ABHD3: variants seen among roughly 807,000 people sequenced by gnomAD.
ABHD3 encodes the protein phospholipase ABHD3.
ABHD3 carries 46 observed loss-of-function variants against 48.8 expected under a neutral mutation model. The observed-to-expected ratio is 0.94, with a 90% CI of 0.74 to 1.20. ABHD3 has a LOEUF of 1.20. Among genes scored for constraint, ABHD3 ranks in the 50% most tolerant of loss-of-function variants. ABHD3 has a pLI of 0.00. For synonymous variants in ABHD3, 192 were observed against 183.7 expected, an observed-to-expected ratio of 1.04 and a Z score of -0.36; for missense variants, 490 against 497.8, an observed-to-expected ratio of 0.98 and a Z score of 0.15.
chr18:21,695,032 T>C (rs1013925209), intron 3 of ABHD3, among the ~76,000 whole-genome samples: 5 of 152,192 alleles, frequency 3.3e-5, no homozygotes, highest in South Asian at 2.1e-4. Context: ...AATAAAGATA[T>C]GATTTTCTTT....
intron 3 of ABHD3, among the ~76,000 whole-genome samples, chr18:21,700,584 G>A (rs1015438867): frequency 1.7e-4 from 26 of 151,150 alleles, no homozygotes; most frequent in African/African-American, 5.9e-4. Context: ...TTTTTTAGTA[G>A]AGACGAGGTT....
chr18:21,702,625 A>C (rs1174846363), intron 2 of ABHD3, 127 bp from the exon 3 acceptor site: 1 of 737,782 alleles, frequency 1.4e-6, no homozygotes, highest in Non-Finnish European at 2.1e-6. Context: ...ACGAACACAC[A>C]CCCATATCTC....
intron 4 of ABHD3, among the ~76,000 whole-genome samples, chr18:21,672,945 C>G (rs2039788096): frequency 6.6e-6 from 1 of 152,176 alleles, no homozygotes; most frequent in Middle Eastern, 3.2e-3. Flanking sequence ...AATATCCTGG[C>G]CAGCTTTGAG....
chr18:21,665,149 G>C (rs2039592669), intron 4 of ABHD3, among the ~76,000 whole-genome samples: 1 of 151,542 alleles, frequency 6.6e-6, no homozygotes, highest in African/African-American at 2.4e-5. Flanking sequence ...TTCACCATGT[G>C]GACCAGGCTG....
At chr18:21,692,976 G>A (rs927462921) in intron 3 of ABHD3, among the ~76,000 whole-genome samples, 4 of 152,154 alleles carry the variant, frequency 2.6e-5, no homozygotes, top group African/African-American at 9.7e-5. Context: ...TGGATTACAG[G>A]ACAATGTCGA....
At chr18:21,680,866 G>A (rs974089113) in intron 4 of ABHD3, among the ~76,000 whole-genome samples, 6 of 151,162 alleles carry the variant, frequency 4.0e-5, no homozygotes, top group African/African-American at 1.5e-4. Flanking sequence ...GTGTGTGTGT[G>A]TGTGTGTGTG....
chr18:21,668,572 A>G lies in ABHD3; in HGVS notation c.556-4342T>C, dbSNP rs140490620. Among the ~76,000 whole-genome samples, 262 of 152,302 alleles carry G rather than the reference A, an allele frequency of 1.7e-3. 1 individual carries two copies. The highest frequency in any genetic ancestry group is 6.1e-3 in the African/African-American group (254 of 41,566). ...TTCCTTATTTACACATAAGGAAATT[A>G]AGGCCTGGCAAGGTTGAGTAATTTG... On this transcript the variant is annotated intron_variant, in intron 4 of 8. Coordinates refer to ENST00000289119, the MANE Select transcript of ABHD3 (RefSeq NM_138340.5).
intron 5 of ABHD3, 55 bp downstream of exon 5, chr18:21,664,063 C>T (rs1023470214): frequency 1.3e-6 from 2 of 1,553,954 alleles, no homozygotes; most frequent in South Asian, 1.2e-5. Context: ...CTCAAAGAGA[C>T]AGCCAATAAA....
chr18:21,659,999 T>C (rs2039451990), intron 5 of ABHD3, among the ~76,000 whole-genome samples: 1 of 139,356 alleles, frequency 7.2e-6, no homozygotes, highest in Admixed American at 7.5e-5. Flanking sequence ...ATAGGCTCTG[T>C]AGCCCAGGTT....
intron 5 of ABHD3, chr18:21,663,694 T>C (rs2039553528): frequency 6.5e-7 from 1 of 1,535,478 alleles, no homozygotes; most frequent in Non-Finnish European, 8.7e-7. Context: ...AAAAATAATT[T>C]TGAAGGCCAC....
At chr18:21,703,294 G>T (rs1479501459) in intron 2 of ABHD3, among the ~76,000 whole-genome samples, 1 of 135,568 alleles carries the variant, frequency 7.4e-6, no homozygotes, top group Non-Finnish European at 1.5e-5. Context: ...TCTGACAGAT[G>T]TATGACAAAC....
intron 4 of ABHD3, among the ~76,000 whole-genome samples, chr18:21,683,243 A>T (rs2040048102): frequency 6.6e-6 from 1 of 152,212 alleles, no homozygotes; most frequent in Non-Finnish European, 1.5e-5. Flanking sequence ...TTCTCATTCC[A>T]ACTCACGGAT....
chr18:21,673,915 AT>A (rs1451486672), intron 4 of ABHD3, among the ~76,000 whole-genome samples: 1 of 152,024 alleles, frequency 6.6e-6, no homozygotes, highest in Admixed American at 6.6e-5. Context: ...AGGGATCAGT[AT>A]TTTTCAATGC....
At chr18:21,691,985 CT>C (rs1306342058) in intron 3 of ABHD3, among the ~76,000 whole-genome samples, 1 of 152,132 alleles carries the variant, frequency 6.6e-6, no homozygotes, top group Non-Finnish European at 1.5e-5. Context: ...GAGTTTTGCT[CT>C]TGTTGCCCAG....
chr18:21,673,145 A>C (rs2039792783), intron 4 of ABHD3, among the ~76,000 whole-genome samples: 1 of 152,236 alleles, frequency 6.6e-6, no homozygotes, highest in South Asian at 2.1e-4. Context: ...CATGGAGGCT[A>C]TCACATGCAG....
At chr18:21,680,560 T>C (rs1017259125) in intron 4 of ABHD3, among the ~76,000 whole-genome samples, 2 of 152,168 alleles carry the variant, frequency 1.3e-5, no homozygotes, top group African/African-American at 2.4e-5. Flanking sequence ...ATTAGCTATT[T>C]TGAGACACAT....
chr18:21,654,220 A>AAT (rs1055955494), intron 8 of ABHD3, among the ~76,000 whole-genome samples: 19 of 151,678 alleles, frequency 1.3e-4, no homozygotes, highest in East Asian at 5.8e-4. Flanking sequence ...CCTGTCTCCA[A>AAT]ATATATATAT....
intron 4 of ABHD3, among the ~76,000 whole-genome samples, chr18:21,667,866 G>A (rs902893929): frequency 6.6e-6 from 1 of 152,002 alleles, no homozygotes; most frequent in Non-Finnish European, 1.5e-5. Flanking sequence ...TCAATCACAA[G>A]GGGCGGGGGG....
Position 21,692,122 on chromosome 18 carries a change from G to A in ABHD3, c.510-8157C>T, listed in dbSNP as rs538864080. Among the ~76,000 whole-genome samples, 11 of 152,136 alleles carry A rather than the reference G, an allele frequency of 7.2e-5. No individual in the cohort carries two copies. In the East Asian group the frequency reaches 1.7e-3, roughly 24 times the overall value. ...CCACCACCACACTCGGCTAATTTTC[G>A]TATTTTTAGTAGTGACGGGGTTTCA... On this transcript the variant is annotated intron_variant, in intron 3 of 8. Transcript: ENST00000289119.
Sources: gnomAD v4.1 joint callset for allele counts (sites outside exome capture counted in the v4.1 genomes callset) on GRCh38, gnomAD v4.1.1 for gene constraint, MANE v1.5 for transcripts, NCBI Gene and HGNC (gene_info 2026-07-23, HGNC 2026-07-21) for gene names.